Variants in CCDC91 observed in about 807,000 individuals in gnomAD.
The protein encoded by CCDC91 is coiled-coil domain containing 91, also known as coiled-coil domain-containing protein 91.
CCDC91 carries 48 observed loss-of-function variants against 63.2 expected under a neutral mutation model. That is an observed-to-expected ratio of 0.76 (90% CI 0.60 to 0.97). The LOEUF is 0.97. Among genes scored for constraint, CCDC91 ranks in the 50% least tolerant of loss-of-function variants. CCDC91 has a pLI of 0.00. For synonymous variants in CCDC91, 167 were observed against 165.8 expected, an observed-to-expected ratio of 1.01 and a Z score of -0.06; for missense variants, 500 against 494.6, an observed-to-expected ratio of 1.01 and a Z score of -0.10.
chr12:28,412,028 G>GTTTA (rs1227711148), intron 8 of CCDC91, among the ~76,000 whole-genome samples: 1 of 152,122 alleles, frequency 6.6e-6, no homozygotes, highest in African/African-American at 2.4e-5. Flanking sequence ...TGGCAAATAT[G>GTTTA]TTTAGATGCA....
chr12:28,307,242 G>A (rs1228454323), intron 5 of CCDC91, among the ~76,000 whole-genome samples: 1 of 151,930 alleles, frequency 6.6e-6, no homozygotes, highest in Non-Finnish European at 1.5e-5. Flanking sequence ...ATGAGGAGGT[G>A]AAATTTTGCG....
Position 28,305,713 on chromosome 12 carries a change from C to T in CCDC91, c.174C>T (p.Ser58=), listed in dbSNP as rs1325400307. Residue 58 remains serine (S), a synonymous_variant, in exon 4 of 13, where the codon TCC becomes TCT. Coordinates refer to ENST00000536442, the MANE Select transcript of CCDC91 (RefSeq NM_018318.5). ...TACTGGACCGTGACCACTCTTCTTC[C>T]ATTGGCTGCCTCTCTTCTGATGCCA... is the stretch of plus-strand genomic sequence containing the variant. ...EIVLDRDHSS[S]IGCLSSDAII... The T allele has an allele frequency of 6.2e-7, 1 of 1,613,312 alleles. No individual in the cohort carries two copies. Among genetic ancestry groups the T allele is most frequent in the Non-Finnish European group, 8.5e-7 (1 of 1,179,480 alleles).
intron 6 of CCDC91, among the ~76,000 whole-genome samples, chr12:28,346,543 A>C (rs1006142843): frequency 6.6e-6 from 1 of 152,170 alleles, no homozygotes; most frequent in Non-Finnish European, 1.5e-5. Flanking sequence ...GTATTTAGTT[A>C]TGGGAAATTT....
intron 6 of CCDC91, among the ~76,000 whole-genome samples, chr12:28,321,881 T>C (rs1940539818): frequency 6.6e-6 from 1 of 151,832 alleles, no homozygotes; most frequent in African/African-American, 2.4e-5. Context: ...ATTATATATG[T>C]CATATATTAC....
intron 3 of CCDC91, among the ~76,000 whole-genome samples, chr12:28,296,620 A>C (rs1949579660): frequency 6.6e-6 from 1 of 151,854 alleles, no homozygotes; most frequent in African/African-American, 2.4e-5. Context: ...TTACATCTAT[A>C]TATCTATACA....
intron 6 of CCDC91, among the ~76,000 whole-genome samples, chr12:28,328,904 A>G (rs1441200076): frequency 1.3e-5 from 2 of 152,146 alleles, no homozygotes; most frequent in African/African-American, 4.8e-5. Flanking sequence ...AAAATAAGAA[A>G]AACAGTTTAA....
At chr12:28,545,811 A>G (rs1046847473) in intron 12 of CCDC91, among the ~76,000 whole-genome samples, 16 of 152,072 alleles carry the variant, frequency 1.1e-4, no homozygotes, top group Non-Finnish European at 1.9e-4. Context: ...AAAATTACAG[A>G]AATACTCCTT....
At chr12:28,309,328 A>AT (rs761523721) in intron 6 of CCDC91, among the ~76,000 whole-genome samples, 2 of 151,936 alleles carry the variant, frequency 1.3e-5, no homozygotes, top group Non-Finnish European at 2.9e-5. Context: ...TAATTTATAG[A>AT]TTTTTTCCCC....
At chr12:28,438,067 G>A (rs1949002171) in intron 8 of CCDC91, among the ~76,000 whole-genome samples, 1 of 152,090 alleles carries the variant, frequency 6.6e-6, no homozygotes. Context: ...TGACACTTAA[G>A]CATCAAATTG....
At chr12:28,239,611 T>C (rs1282396348) in intron 1 of CCDC91, among the ~76,000 whole-genome samples, 1 of 152,178 alleles carries the variant, frequency 6.6e-6, no homozygotes, top group African/African-American at 2.4e-5. Flanking sequence ...CTAGGAAATA[T>C]AATAAAGTGT....
intron 6 of CCDC91, among the ~76,000 whole-genome samples, chr12:28,352,066 A>G (rs1301720513): frequency 3.3e-5 from 5 of 152,230 alleles, no homozygotes; most frequent in Admixed American, 3.3e-4. Flanking sequence ...TAGAGTACAT[A>G]AAAGTTACAT....
chr12:28,425,243 C>A (rs774644498), intron 8 of CCDC91, among the ~76,000 whole-genome samples: 24 of 152,106 alleles, frequency 1.6e-4, no homozygotes, highest in Non-Finnish European at 2.8e-4. Flanking sequence ...GCCCAGGCAC[C>A]TTTTCCCCTA....
At chr12:28,251,317 A>G (rs1199722812) in intron 1 of CCDC91, among the ~76,000 whole-genome samples, 3 of 151,980 alleles carry the variant, frequency 2.0e-5, no homozygotes, top group Non-Finnish European at 4.4e-5. Context: ...TTAGGTTTTG[A>G]GCAACTTTGG....
intron 3 of CCDC91, among the ~76,000 whole-genome samples, chr12:28,296,615 T>C (rs1350203148): frequency 6.6e-6 from 1 of 151,848 alleles, no homozygotes; most frequent in Non-Finnish European, 1.5e-5. Context: ...TTATATTACA[T>C]CTATATATCT....
At chr12:28,328,314 G>A (rs1240365282) in intron 6 of CCDC91, among the ~76,000 whole-genome samples, 1 of 151,684 alleles carries the variant, frequency 6.6e-6, no homozygotes, top group Non-Finnish European at 1.5e-5. Context: ...TCATTTTTCT[G>A]CACAAAAGTT....
chr12:28,472,220 A>T (rs921373796), intron 11 of CCDC91, among the ~76,000 whole-genome samples: 1 of 152,184 alleles, frequency 6.6e-6, no homozygotes, highest in African/African-American at 2.4e-5. Flanking sequence ...AATAGTAGCC[A>T]GCTACGTTAG....
At chr12:28,267,861 AATT>A (rs1947389965) in intron 3 of CCDC91, among the ~76,000 whole-genome samples, 1 of 43,458 alleles carries the variant, frequency 2.3e-5, no homozygotes, top group Admixed American at 4.2e-4. Flanking sequence ...AGTAATATAT[AATT>A]ATATATAATT....
chr12:28,273,362 G>C (rs1298116645), intron 3 of CCDC91, among the ~76,000 whole-genome samples: 1 of 152,078 alleles, frequency 6.6e-6, no homozygotes, highest in African/African-American at 2.4e-5. Flanking sequence ...CCCAGTAATG[G>C]GATTGCTGGG....
intron 12 of CCDC91, among the ~76,000 whole-genome samples, chr12:28,485,793 A>G (rs770156519): frequency 3.3e-5 from 5 of 152,170 alleles, no homozygotes; most frequent in Non-Finnish European, 5.9e-5. Flanking sequence ...CTATTTCCAT[A>G]TGTACCTACA....
Sources: gnomAD v4.1 joint callset for allele counts (sites outside exome capture counted in the v4.1 genomes callset) on GRCh38, gnomAD v4.1.1 for gene constraint, MANE v1.5 for transcripts, NCBI Gene and HGNC (gene_info 2026-07-23, HGNC 2026-07-21) for gene names.